The following CNST variants were observed in gnomAD, a reference collection of about 807,000 sequenced individuals.
CNST encodes the protein consortin, connexin sorting protein.
In CNST, 39 loss-of-function variants were observed where a neutral mutation model predicts 72.4. That is an observed-to-expected ratio of 0.54 (90% CI 0.42 to 0.70). The LOEUF (loss-of-function observed/expected upper bound fraction) is 0.70, where lower values mean the gene tolerates loss of function less well. CNST is among the 30% of genes least tolerant of loss of function. The probability of loss-of-function intolerance (pLI) is 0.00; values close to 1 mark genes in which losing one functional copy is unlikely to be tolerated. For missense variants in CNST, 871 were observed against 868.5 expected (o/e 1.00, Z -0.04); for synonymous variants, 332 against 320.1 (o/e 1.04, Z -0.40).
At chr1:246,605,610 G>A (rs533245661) in intron 2 of CNST, among the ~76,000 whole-genome samples, 2 of 152,222 alleles carry the variant, frequency 1.3e-5, no homozygotes, top group East Asian at 3.9e-4. Context: ...TAACGGCTAC[G>A]TGGTACCTGG....
chr1:246,668,341 A>G lies in CNST; in HGVS notation c.*2436A>G, dbSNP rs541746814. The stretch of plus-strand genomic sequence containing the variant: ...TTGTAATTTAAAATCTGTACCAACA[A>G]AGTGTCTCAGAGAGTTTATTTGAAC... On this transcript the variant is annotated 3_prime_UTR_variant, in exon 11 of 11. Transcript: ENST00000366513. 6.6e-6 allele frequency: 1 copy of G among 152,346 alleles called. No individual in the cohort carries two copies. Among genetic ancestry groups the G allele is most frequent in the Non-Finnish European group, 1.5e-5 (1 of 68,030 alleles). 9.4% of individuals were successfully genotyped at this position (152,346 alleles called of 1,614,324 possible).
chr1:246,636,473 C>T (rs977396887), intron 6 of CNST, among the ~76,000 whole-genome samples: 23 of 152,042 alleles, frequency 1.5e-4, no homozygotes, highest in Middle Eastern at 3.2e-3. Flanking sequence ...GTGGTAAGCG[C>T]GATGCCCTCT....
At chr1:246,585,403 T>C (rs1230788892) in intron 1 of CNST, among the ~76,000 whole-genome samples, 1 of 151,994 alleles carries the variant, frequency 6.6e-6, no homozygotes, top group African/African-American at 2.4e-5. Context: ...TCCCAGCACT[T>C]TGGGAGGCCG....
At chr1:246,592,828 C>T (rs1661633437) in intron 2 of CNST, among the ~76,000 whole-genome samples, 1 of 152,156 alleles carries the variant, frequency 6.6e-6, no homozygotes, top group Admixed American at 6.5e-5. Flanking sequence ...CAGAGTATTT[C>T]TTGTTTGGTA....
At chr1:246,658,210 A>G (rs1444721332) in intron 9 of CNST, among the ~76,000 whole-genome samples, 1 of 152,208 alleles carries the variant, frequency 6.6e-6, no homozygotes, top group Non-Finnish European at 1.5e-5. Flanking sequence ...GTAGTAATGT[A>G]TTCATGAAAA....
At position 246,647,677 on chromosome 1, in the gene CNST, T is replaced by C. The variant is rs1412603494; in HGVS notation, c.1476T>C (p.Ser492=). The C allele has an allele frequency of 1.9e-6, 3 of 1,614,106 alleles. No individual in the cohort carries two copies. The highest frequency in any genetic ancestry group is 1.1e-5 in the South Asian group (1 of 91,066). ...TGCAGCAGCCTGATCTTACAGACAG[T>C]GATGGAAAATCACCACAGGCGCAGG... ...NELQQPDLTD[S]DGKSPQAQAD... The change falls in exon 9 of 11, where the codon AGT becomes AGC. Residue 492 remains serine (S), a synonymous_variant. Transcript: ENST00000366513.
intron 6 of CNST, among the ~76,000 whole-genome samples, chr1:246,636,685 C>A (rs1665276428): frequency 6.6e-6 from 1 of 152,236 alleles, no homozygotes; most frequent in African/African-American, 2.4e-5. Flanking sequence ...TTTGGTGAAG[C>A]AAAGCCACTG....
intron 6 of CNST, among the ~76,000 whole-genome samples, chr1:246,635,659 G>C (rs1379692157): frequency 3.3e-5 from 5 of 152,172 alleles, no homozygotes; most frequent in African/African-American, 9.7e-5. Flanking sequence ...TGGTTTTGTT[G>C]TCACGCGAGC....
intron 3 of CNST, among the ~76,000 whole-genome samples, chr1:246,630,798 T>C (rs1436137116): frequency 6.6e-6 from 1 of 152,078 alleles, no homozygotes; most frequent in Non-Finnish European, 1.5e-5. Flanking sequence ...CAGGCTGGAG[T>C]GCAATGGCAT....
At chr1:246,634,303 T>C (rs1664986739) in intron 5 of CNST, 170 bp from the exon 6 acceptor site, 3 of 570,348 alleles carry the variant, frequency 5.3e-6, no homozygotes, top group Admixed American at 3.5e-5. Context: ...TAGGATGATA[T>C]TTACTTATAT....
At chr1:246,580,939 A>G (rs1457870948) in intron 1 of CNST, among the ~76,000 whole-genome samples, 1 of 151,682 alleles carries the variant, frequency 6.6e-6, no homozygotes, top group Non-Finnish European at 1.5e-5. Context: ...GGATTTCACC[A>G]TGTTGGCCAG....
chr1:246,644,410 AATT>A, intron 8 of CNST, among the ~76,000 whole-genome samples: 1 of 148,008 alleles, frequency 6.8e-6, no homozygotes, highest in Admixed American at 6.7e-5. Context: ...AAAAAAAAAA[AATT>A]GTCTCATTTT....
In CNST at chr1:246,644,728, C is replaced by T. The variant is rs139839704; in HGVS notation, c.938-2411C>T. ...ATGTGGGGGTTCTCTCTGCCCTGTG[C>T]TTTCACAGTGCCTGTGGGACTGTGG... On this transcript the variant is annotated intron_variant, in intron 8 of 10. Coordinates refer to ENST00000366513, the MANE Select transcript of CNST (RefSeq NM_152609.3). Among the ~76,000 whole-genome samples the T allele has an allele frequency of 2.4e-3, 371 of 152,358 alleles. 1 individual carries two copies. The highest frequency in any genetic ancestry group is 8.5e-3 in the African/African-American group (354 of 41,584).
chr1:246,662,336 T>C (rs1004651909), intron 10 of CNST, among the ~76,000 whole-genome samples: 2 of 152,218 alleles, frequency 1.3e-5, no homozygotes, highest in Non-Finnish European at 2.9e-5. Context: ...TTTTCAGCTT[T>C]GTAGTAGCCA....
chr1:246,589,778 T>G (rs983236210), intron 1 of CNST, among the ~76,000 whole-genome samples: 1 of 152,178 alleles, frequency 6.6e-6, no homozygotes, highest in Non-Finnish European at 1.5e-5. Context: ...CAGCACCTGT[T>G]GTTTCCTGAC....
chr1:246,605,070 T>C (rs1027859467), intron 2 of CNST, among the ~76,000 whole-genome samples: 5 of 152,182 alleles, frequency 3.3e-5, no homozygotes, highest in Non-Finnish European at 7.3e-5. Flanking sequence ...TGTAAGAAAA[T>C]CATATACTTT....
At chr1:246,645,490 C>G (rs1206343144) in intron 8 of CNST, among the ~76,000 whole-genome samples, 5 of 142,984 alleles carry the variant, frequency 3.5e-5, no homozygotes, top group African/African-American at 5.4e-5. Flanking sequence ...TGCAGTGGCG[C>G]AATCTCGGCT....
chr1:246,659,518 C>A, intron 9 of CNST, among the ~76,000 whole-genome samples: 1 of 151,982 alleles, frequency 6.6e-6, no homozygotes. Flanking sequence ...CGGCATGAAC[C>A]CGGGAGGCGG....
chr1:246,623,882 T>C (rs1206707256), intron 3 of CNST, among the ~76,000 whole-genome samples: 6 of 119,904 alleles, frequency 5.0e-5, no homozygotes, highest in Non-Finnish European at 6.9e-5. Context: ...GGCAACATCA[T>C]GAAACCTTGT....
Sources: gnomAD v4.1 joint callset for allele counts (sites outside exome capture counted in the v4.1 genomes callset) on GRCh38, gnomAD v4.1.1 for gene constraint, MANE v1.5 for transcripts, NCBI Gene and HGNC (gene_info 2026-07-23, HGNC 2026-07-21) for gene names.